ADK: variants seen among roughly 807,000 people sequenced by gnomAD.
ADK encodes adenosine kinase.
A neutral mutation model predicts 44.7 loss-of-function variants in ADK; 24 were observed. The observed-to-expected ratio is 0.54, with a 90% CI of 0.39 to 0.76. The LOEUF (loss-of-function observed/expected upper bound fraction) is 0.76. Ranked by LOEUF, ADK falls within the 30% of genes least tolerant of loss-of-function variation. The pLI is 0.00. For missense variants in ADK, 321 were observed against 425.1 expected, an observed-to-expected ratio of 0.76 and a Z score of 2.15; for synonymous variants, 128 against 142.6, an observed-to-expected ratio of 0.90 and a Z score of 0.73.
chr10:74,699,444 G>A (rs1294508429), intron 10 of ADK, among the ~76,000 whole-genome samples: 4 of 152,056 alleles, frequency 2.6e-5, no homozygotes, highest in African/African-American at 9.7e-5. Flanking sequence ...TTGGGAGGCC[G>A]AGGCAGGCGG....
At chr10:74,271,243 G>A (rs529228418) in intron 3 of ADK, among the ~76,000 whole-genome samples, 1 of 152,228 alleles carries the variant, frequency 6.6e-6, no homozygotes, top group African/African-American at 2.4e-5. Flanking sequence ...AGATAGGACA[G>A]ACCTTGATTA....
At chr10:74,260,437 T>A (rs1846001841) in intron 3 of ADK, among the ~76,000 whole-genome samples, 1 of 152,172 alleles carries the variant, frequency 6.6e-6, no homozygotes, top group Non-Finnish European at 1.5e-5. Flanking sequence ...ACCCAGCTAA[T>A]TTTTTAATTT....
At chr10:74,676,581 A>G (rs1002179916) in intron 10 of ADK, among the ~76,000 whole-genome samples, 9 of 152,154 alleles carry the variant, frequency 5.9e-5, no homozygotes, top group Admixed American at 5.9e-4. Flanking sequence ...GGCTCAAGCC[A>G]TCCTCCCACC....
chr10:74,153,863 C>G (rs1313425630), intron 1 of ADK, among the ~76,000 whole-genome samples: 1 of 152,172 alleles, frequency 6.6e-6, no homozygotes, highest in African/African-American at 2.4e-5. Context: ...CCTTCCAAGG[C>G]TTGTTGAGCA....
intron 9 of ADK, among the ~76,000 whole-genome samples, chr10:74,630,606 C>T (rs991044246): frequency 3.3e-5 from 5 of 152,182 alleles, no homozygotes; most frequent in South Asian, 4.2e-4. Flanking sequence ...TATTCAAAGA[C>T]GTGATACTAA....
At chr10:74,177,011 G>C in intron 1 of ADK, 1 of 1,358,298 alleles carries the variant, frequency 7.4e-7, no homozygotes, top group East Asian at 2.4e-5. Flanking sequence ...CCCTCGTGTT[G>C]GGGGTTCCCT....
At chr10:74,322,599 C>T (rs1017916963) in intron 4 of ADK, among the ~76,000 whole-genome samples, 2 of 152,164 alleles carry the variant, frequency 1.3e-5, no homozygotes, top group African/African-American at 4.8e-5. Flanking sequence ...CAGTGGCTTG[C>T]TGTCCTCAAT....
chr10:74,689,675 G>C (rs909496137), intron 10 of ADK, among the ~76,000 whole-genome samples: 4 of 152,142 alleles, frequency 2.6e-5, no homozygotes, highest in Non-Finnish European at 4.4e-5. Flanking sequence ...TGTGAGTGGG[G>C]TAAAAAGTAG....
At chr10:74,582,546 A>G (rs902011687) in intron 7 of ADK, among the ~76,000 whole-genome samples, 1 of 152,204 alleles carries the variant, frequency 6.6e-6, no homozygotes, top group Admixed American at 6.6e-5. Context: ...GGGAATGAAC[A>G]ACTCTCCTTG....
chr10:74,514,125 T>C lies in ADK; in HGVS notation c.556-11131T>C, dbSNP rs527650296. 3.3e-5 allele frequency among the ~76,000 whole-genome samples: 5 copies of C among 152,350 alleles called. 1 individual carries two copies. The highest frequency in any genetic ancestry group is 1.2e-4 in the African/African-American group (5 of 41,594). On this transcript the variant is annotated intron_variant, in intron 6 of 10. Transcript: ENST00000539909. ...TTTTTTTCTTCTAGTACTTTGACTA[T>C]ATTATCCTGTCCTCTCCTGGACTAT...
At chr10:74,235,295 C>T (rs1280644983) in intron 3 of ADK, among the ~76,000 whole-genome samples, 1 of 151,860 alleles carries the variant, frequency 6.6e-6, no homozygotes, top group African/African-American at 2.4e-5. Flanking sequence ...TGGAGAATTG[C>T]AGGAAAACAT....
chr10:74,430,936 T>C (rs1056089655), intron 6 of ADK, among the ~76,000 whole-genome samples: 2 of 151,850 alleles, frequency 1.3e-5, no homozygotes, highest in South Asian at 2.1e-4. Flanking sequence ...GGCTGCTATA[T>C]AGAAAATAGA....
At position 74,371,997 on chromosome 10, in the gene ADK, C is replaced by G. The variant is rs937962789; in HGVS notation, c.274-22144C>G. On this transcript the variant is annotated intron_variant, in intron 4 of 10. Transcript: ENST00000539909. ...TTTGTGTAACACAGATTCTCCTCTG[C>G]ACTTTGTGGACATTGCCATTCTATG... is the stretch of plus-strand genomic sequence containing the variant. The G allele has an allele frequency of 1.4e-5, 11 of 797,524 alleles. No homozygotes were observed. In the African/African-American group the frequency reaches 1.8e-4, roughly 13 times the overall value. The allele number at this position is 797,524 out of a possible 1,614,324, so 49.4% of individuals were successfully genotyped here.
At chr10:74,336,231 A>G (rs1212942087) in intron 4 of ADK, among the ~76,000 whole-genome samples, 2 of 151,984 alleles carry the variant, frequency 1.3e-5, no homozygotes, top group Admixed American at 6.6e-5. Flanking sequence ...GTTTTTTGCT[A>G]TTGTTTTTTG....
intron 3 of ADK, among the ~76,000 whole-genome samples, chr10:74,238,856 C>CTTTTTTGTTTTTTTT (rs1845081836): frequency 1.1e-5 from 1 of 88,198 alleles, no homozygotes; most frequent in African/African-American, 4.8e-5. Context: ...TTAGCTAGTG[C>CTTTTTTGTTTTTTTT]TTTTTTTTTT....
At chr10:74,668,701 C>A (rs1464258506) in intron 9 of ADK, among the ~76,000 whole-genome samples, 1 of 152,196 alleles carries the variant, frequency 6.6e-6, no homozygotes, top group Non-Finnish European at 1.5e-5. Context: ...CGCCACTGCA[C>A]TCCAGCCTGG....
chr10:74,642,824 G>GTTTTTTTTT (rs1564833109), intron 9 of ADK, among the ~76,000 whole-genome samples: 1 of 119,580 alleles, frequency 8.4e-6, no homozygotes, highest in Non-Finnish European at 1.7e-5. Context: ...AAAATCTTAA[G>GTTTTTTTTT]TTCTTTTTTT....
At chr10:74,700,392 G>A (rs898317668) in intron 10 of ADK, among the ~76,000 whole-genome samples, 4 of 152,006 alleles carry the variant, frequency 2.6e-5, no homozygotes, top group East Asian at 1.9e-4. Flanking sequence ...ACAGGCACCC[G>A]CCACCACACC....
At chr10:74,519,950 A>G (rs931554345) in intron 6 of ADK, among the ~76,000 whole-genome samples, 2 of 151,908 alleles carry the variant, frequency 1.3e-5, no homozygotes, top group African/African-American at 4.8e-5. Flanking sequence ...CTTCCTCTGT[A>G]AGCTTCAAAG....
Sources: gnomAD v4.1 joint callset for allele counts (sites outside exome capture counted in the v4.1 genomes callset) on GRCh38, gnomAD v4.1.1 for gene constraint, MANE v1.5 for transcripts, NCBI Gene and HGNC (gene_info 2026-07-23, HGNC 2026-07-21) for gene names.